The following KCTD16 variants were observed in gnomAD, a reference collection of about 807,000 sequenced individuals.
The protein encoded by KCTD16 is potassium channel tetramerization domain containing 16, also known as BTB/POZ domain-containing protein KCTD16.
In KCTD16, 13 loss-of-function variants were observed where a neutral mutation model predicts 33.2. The ratio of observed to expected loss-of-function variants is 0.39; its 90% CI spans 0.25 to 0.62. KCTD16 has a LOEUF of 0.62. Among genes scored for constraint, KCTD16 ranks in the 20% least tolerant of loss-of-function variants. KCTD16 has a pLI of 0.50. For synonymous variants in KCTD16, 197 were observed against 195.3 expected (o/e 1.01, Z -0.07); for missense variants, 441 against 525.1 (o/e 0.84, Z 1.57).
intron 3 of KCTD16, among the ~76,000 whole-genome samples, chr5:144,225,430 C>T (rs1753899485): frequency 6.6e-6 from 1 of 151,900 alleles, no homozygotes; most frequent in South Asian, 2.1e-4. Flanking sequence ...TCCTAGGTAC[C>T]ACGGATATGA....
chr5:144,330,745 TA>T (rs1222876537), intron 3 of KCTD16, among the ~76,000 whole-genome samples: 2 of 152,194 alleles, frequency 1.3e-5, no homozygotes, highest in Admixed American at 1.3e-4. Context: ...ATTTTCCAGA[TA>T]AGGTAATTGA....
At chr5:144,427,894 C>T (rs1390467744) in intron 3 of KCTD16, among the ~76,000 whole-genome samples, 11 of 152,088 alleles carry the variant, frequency 7.2e-5, no homozygotes, top group Admixed American at 7.2e-4. Flanking sequence ...TTAGGTTACC[C>T]AGTCTCAGTC....
At chr5:144,238,294 G>T (rs1250898198) in intron 3 of KCTD16, among the ~76,000 whole-genome samples, 2 of 152,112 alleles carry the variant, frequency 1.3e-5, no homozygotes, top group Non-Finnish European at 1.5e-5. Context: ...AAATATTTCA[G>T]ATAGGTTTCT....
chr5:144,286,119 T>A (rs1421441308), intron 3 of KCTD16, among the ~76,000 whole-genome samples: 2 of 152,294 alleles, frequency 1.3e-5, no homozygotes, highest in East Asian at 3.9e-4. Context: ...TATTTGTTTT[T>A]TTCGCTTTGT....
chr5:144,413,402 C>G, intron 3 of KCTD16, among the ~76,000 whole-genome samples: 1 of 152,294 alleles, frequency 6.6e-6, no homozygotes, highest in East Asian at 1.9e-4. Context: ...TATGGCTGCC[C>G]TAGCAAATGA....
chr5:144,197,774 T>C (rs1444890166), intron 2 of KCTD16, among the ~76,000 whole-genome samples: 2 of 152,158 alleles, frequency 1.3e-5, no homozygotes, highest in East Asian at 3.8e-4. Flanking sequence ...GCTCTTTTAT[T>C]CTCCCCACAA....
At chr5:144,322,847 T>C (rs1317253863) in intron 3 of KCTD16, among the ~76,000 whole-genome samples, 1 of 152,136 alleles carries the variant, frequency 6.6e-6, no homozygotes, top group Non-Finnish European at 1.5e-5. Context: ...GATTTGCAGC[T>C]GGTTTGGGCT....
intron 3 of KCTD16, among the ~76,000 whole-genome samples, chr5:144,318,868 TA>T (rs1327545427): frequency 2.6e-5 from 4 of 152,228 alleles, no homozygotes; most frequent in African/African-American, 9.6e-5. Context: ...TTTATTTTAT[TA>T]AAAATAATTA....
intron 3 of KCTD16, among the ~76,000 whole-genome samples, chr5:144,467,096 A>G (rs1182270838): frequency 2.9e-5 from 4 of 140,348 alleles, no homozygotes; most frequent in Non-Finnish European, 6.1e-5. Context: ...TATATATATT[A>G]TATATAATAT....
intron 3 of KCTD16, among the ~76,000 whole-genome samples, chr5:144,392,229 G>C (rs1752466137): frequency 6.6e-6 from 1 of 152,120 alleles, no homozygotes; most frequent in Admixed American, 6.5e-5. Context: ...AGGGGGAAAA[G>C]CACATGGAAA....
chr5:144,404,569 C>T (rs575422936), intron 3 of KCTD16, among the ~76,000 whole-genome samples: 16 of 152,060 alleles, frequency 1.1e-4, no homozygotes, highest in African/African-American at 3.6e-4. Context: ...TCTGAGTTGG[C>T]ATATGTCGAC....
At chr5:144,317,653 A>G (rs555771582) in intron 3 of KCTD16, among the ~76,000 whole-genome samples, 12 of 152,158 alleles carry the variant, frequency 7.9e-5, no homozygotes, top group African/African-American at 2.4e-4. Context: ...GCATACCCTC[A>G]CGTTTTCCTT....
At chr5:144,241,452 A>G (rs1471587724) in intron 3 of KCTD16, among the ~76,000 whole-genome samples, 1 of 152,190 alleles carries the variant, frequency 6.6e-6, no homozygotes, top group African/African-American at 2.4e-5. Flanking sequence ...GGAAATTGCA[A>G]TCAGATCAAT....
At chr5:144,470,230 T>C (rs558046807) in intron 3 of KCTD16, among the ~76,000 whole-genome samples, 2 of 152,294 alleles carry the variant, frequency 1.3e-5, no homozygotes, top group South Asian at 4.1e-4. Context: ...TCCCAAGACT[T>C]GTAAGCATAT....
rs74513303 is a variant in KCTD16, at chr5:144,211,320, G to C, written c.832+3774G>C. 5.4e-3 allele frequency among the ~76,000 whole-genome samples: 829 copies of C among 152,224 alleles called. 7 individuals are homozygous for C. The highest frequency in any genetic ancestry group is 0.019 in the African/African-American group (769 of 41,562). On this transcript the variant is annotated intron_variant, in intron 3 of 3. Transcript: ENST00000512467. ...ACAGGTGGAAATGCATCTACCCTAA[G>C]ATTATTCTAGCCTTTTTTTTCTCCT...
In KCTD16 at chr5:144,207,113, A is replaced by G. The variant is rs1172548580; in HGVS notation, c.399A>G (p.Glu133=). Residue 133 remains glutamate, a synonymous_variant, in exon 3 of 4, where the codon GAA becomes GAG. Transcript: ENST00000512467. ...TPDEIKQSPD[E]FCHSDFEDAS... ...ATGAAATCAAGCAAAGCCCAGATGA[A>G]TTCTGCCACAGTGACTTTGAAGATG... The G allele has an allele frequency of 6.2e-7, 1 of 1,610,612 alleles. No individual in the cohort carries two copies. The highest frequency in any genetic ancestry group is 8.5e-7 in the Non-Finnish European group (1 of 1,178,390).
At chr5:144,357,936 T>C (rs138506746) in intron 3 of KCTD16, among the ~76,000 whole-genome samples, 1 of 151,954 alleles carries the variant, frequency 6.6e-6, no homozygotes, top group Non-Finnish European at 1.5e-5. Flanking sequence ...TTTATTTATG[T>C]TTTTAGAGAT....
chr5:144,267,481 CTCT>C (rs1755175952), intron 3 of KCTD16, among the ~76,000 whole-genome samples: 2 of 152,160 alleles, frequency 1.3e-5, no homozygotes, highest in African/African-American at 4.8e-5. Context: ...CTATGTGAGG[CTCT>C]TCTTAGCATG....
intron 3 of KCTD16, among the ~76,000 whole-genome samples, chr5:144,261,579 A>G (rs1052583116): frequency 1.1e-4 from 17 of 152,250 alleles, no homozygotes; most frequent in African/African-American, 3.9e-4. Flanking sequence ...AGATGGTTCA[A>G]TTAAGTAACT....
Sources: gnomAD v4.1 joint callset for allele counts (sites outside exome capture counted in the v4.1 genomes callset) on GRCh38, gnomAD v4.1.1 for gene constraint, MANE v1.5 for transcripts, NCBI Gene and HGNC (gene_info 2026-07-23, HGNC 2026-07-21) for gene names.